FNDC3A: variants seen among roughly 807,000 people sequenced by gnomAD.
FNDC3A encodes the protein fibronectin type-III domain-containing protein 3A.
Under a neutral mutation model 148.9 loss-of-function variants are expected in FNDC3A, and 32 were observed. That is an observed-to-expected ratio of 0.21 (90% CI 0.16 to 0.29). The LOEUF (loss-of-function observed/expected upper bound fraction) is 0.29, where lower values mean the gene tolerates loss of function less well. Ranked by LOEUF, FNDC3A falls within the 10% of genes least tolerant of loss-of-function variation. The pLI is 1.00. For synonymous variants in FNDC3A, 472 were observed against 473.6 expected (o/e 1.00, Z 0.04); for missense variants, 1,191 against 1,452.8 (o/e 0.82, Z 2.93).
chr13:49,003,271 G>C (rs1952159735), intron 1 of FNDC3A, among the ~76,000 whole-genome samples: 1 of 152,000 alleles, frequency 6.6e-6, no homozygotes, highest in Non-Finnish European at 1.5e-5. Flanking sequence ...TCACATGTTG[G>C]CCGTGCTGGT....
intron 1 of FNDC3A, among the ~76,000 whole-genome samples, chr13:48,985,343 G>GT (rs1464460911): frequency 6.6e-6 from 1 of 152,178 alleles, no homozygotes; most frequent in African/African-American, 2.4e-5. Flanking sequence ...AAGTTTGGCA[G>GT]TATCTATCCA....
intron 5 of FNDC3A, 30 bp downstream of exon 5, chr13:49,131,404 T>C (rs192490696): frequency 1.4e-5 from 20 of 1,440,632 alleles, no homozygotes; most frequent in South Asian, 2.3e-5. Flanking sequence ...TCCACTGTTA[T>C]TGAGTTGGAT....
intron 8 of FNDC3A, among the ~76,000 whole-genome samples, chr13:49,160,324 A>C (rs754964130): frequency 3.3e-5 from 5 of 152,134 alleles, no homozygotes; most frequent in Admixed American, 6.5e-5. Context: ...CAGGGATTCG[A>C]CTTCTTCCTG....
At chr13:49,141,783 C>T (rs1882705182) in intron 7 of FNDC3A, among the ~76,000 whole-genome samples, 1 of 152,114 alleles carries the variant, frequency 6.6e-6, no homozygotes, top group South Asian at 2.1e-4. Context: ...ATAATCTAGC[C>T]ACTTTCTAAA....
At chr13:49,116,908 A>G (rs1338269142) in intron 4 of FNDC3A, among the ~76,000 whole-genome samples, 1 of 152,186 alleles carries the variant, frequency 6.6e-6, no homozygotes. Flanking sequence ...GGGGTTAGCT[A>G]TGCATCTATC....
At chr13:49,093,521 T>G (rs973069802) in intron 3 of FNDC3A, among the ~76,000 whole-genome samples, 2 of 152,168 alleles carry the variant, frequency 1.3e-5, no homozygotes, top group Non-Finnish European at 2.9e-5. Flanking sequence ...TTATCTTCAT[T>G]TTATATACGA....
intron 2 of FNDC3A, among the ~76,000 whole-genome samples, chr13:49,047,894 C>T (rs1166426756): frequency 3.3e-5 from 5 of 151,962 alleles, no homozygotes; most frequent in Non-Finnish European, 7.4e-5. Context: ...GGGTTTTTTT[C>T]TCAGTGTTAT....
At chr13:48,982,443 A>T (rs1057415472) in intron 1 of FNDC3A, among the ~76,000 whole-genome samples, 1 of 152,020 alleles carries the variant, frequency 6.6e-6, no homozygotes, top group South Asian at 2.1e-4. Flanking sequence ...GATGCTTCAG[A>T]TTGGTATTCC....
intron 11 of FNDC3A, among the ~76,000 whole-genome samples, chr13:49,172,983 A>G (rs951839812): frequency 8.5e-5 from 13 of 152,218 alleles, no homozygotes; most frequent in Admixed American, 2.0e-4. Flanking sequence ...TTTTGCACCA[A>G]CCTACATTAA....
At chr13:49,065,613 G>A (rs147557013) in intron 2 of FNDC3A, among the ~76,000 whole-genome samples, 10 of 152,232 alleles carry the variant, frequency 6.6e-5, no homozygotes, top group Admixed American at 3.9e-4. Context: ...GTAAGATGTT[G>A]TGTTTAAAGA....
chr13:49,172,173 T>C, intron 11 of FNDC3A, 77 bp downstream of exon 11: 1 of 897,346 alleles, frequency 1.1e-6, no homozygotes, highest in East Asian at 2.5e-5. Context: ...TTGTTTGTTT[T>C]AATCATCAAG....
At chr13:49,020,832 G>T (rs913831091) in intron 2 of FNDC3A, among the ~76,000 whole-genome samples, 1 of 152,176 alleles carries the variant, frequency 6.6e-6, no homozygotes, top group East Asian at 1.9e-4. Context: ...TTGTTACTAG[G>T]TTAAGTAACA....
At chr13:49,165,080 A>T (rs1407909528) in intron 8 of FNDC3A, among the ~76,000 whole-genome samples, 3 of 151,984 alleles carry the variant, frequency 2.0e-5, no homozygotes, top group Non-Finnish European at 2.9e-5. Flanking sequence ...TTTCTAAATT[A>T]TTTGTATTGC....
chr13:49,029,314 A>T (rs940005543), intron 2 of FNDC3A, among the ~76,000 whole-genome samples: 24 of 152,264 alleles, frequency 1.6e-4, no homozygotes, highest in African/African-American at 5.5e-4. Context: ...GTATATTTCT[A>T]CAAAGCCAGT....
At chr13:49,051,406 G>C (rs992571075) in intron 2 of FNDC3A, among the ~76,000 whole-genome samples, 2 of 152,132 alleles carry the variant, frequency 1.3e-5, no homozygotes, top group African/African-American at 4.8e-5. Flanking sequence ...GTCTGGAAAA[G>C]GCTGTGTCTT....
intron 8 of FNDC3A, among the ~76,000 whole-genome samples, chr13:49,162,441 A>G (rs528064135): frequency 6.6e-6 from 1 of 152,202 alleles, no homozygotes; most frequent in Admixed American, 6.5e-5. Flanking sequence ...TTCTCGTGCC[A>G]TGGTTTTCAG....
chr13:48,975,435 C>G (rs8248), upstream of FNDC3A: 62,981 of 152,090 alleles, frequency 0.41, 13,504 homozygotes, highest in East Asian at 0.52. Context: ...ATCCTGGGTT[C>G]GAAGTCTTTG....
intron 8 of FNDC3A, among the ~76,000 whole-genome samples, chr13:49,149,877 G>C (rs989936469): frequency 6.6e-6 from 1 of 152,000 alleles, no homozygotes; most frequent in Admixed American, 6.6e-5. Flanking sequence ...GTTATTGGTT[G>C]GTTCATATTT....
At chr13:49,012,819 G>GTGTGTGTGTGTGTGTGTC (rs1555277968) in intron 2 of FNDC3A, among the ~76,000 whole-genome samples, 184 of 151,314 alleles carry the variant, frequency 1.2e-3, no homozygotes, top group African/African-American at 4.3e-3. Context: ...GTGTGTGTGT[G>GTGTGTGTGTGTGTGTGTC]TGTGTGTGTG....
Sources: allele counts gnomAD v4.1 joint callset (sites outside exome capture counted in the v4.1 genomes callset), GRCh38; gene constraint gnomAD v4.1.1; transcripts MANE v1.5; gene names NCBI Gene and HGNC (gene_info 2026-07-23, HGNC 2026-07-21).